IQCK: variants seen among roughly 807,000 people sequenced by gnomAD.
IQCK encodes the protein IQ motif containing K, also known as IQ domain-containing protein K.
In IQCK, 29 loss-of-function variants were observed where a neutral mutation model predicts 28.1. The observed-to-expected ratio is 1.03, with a 90% CI of 0.77 to 1.41. The LOEUF (loss-of-function observed/expected upper bound fraction) is 1.41. Among genes scored for constraint, IQCK ranks in the 40% most tolerant of loss-of-function variants. The pLI is 0.00. For synonymous variants in IQCK, 113 were observed against 115.1 expected, an observed-to-expected ratio of 0.98 and a Z score of 0.12; for missense variants, 359 against 314.7, an observed-to-expected ratio of 1.14 and a Z score of -1.07.
At chr16:19,813,897 A>G (rs2055940445) in intron 7 of IQCK, among the ~76,000 whole-genome samples, 1 of 152,102 alleles carries the variant, frequency 6.6e-6, no homozygotes, top group Non-Finnish European at 1.5e-5. Context: ...ACTCTAAGTA[A>G]TTTATTACAT....
At chr16:19,765,555 T>C (rs2055222027) in intron 6 of IQCK, among the ~76,000 whole-genome samples, 1 of 151,940 alleles carries the variant, frequency 6.6e-6, no homozygotes, top group South Asian at 2.1e-4. Flanking sequence ...AAATTTAGAC[T>C]CTCGGCTCTC....
At chr16:19,856,690 A>T in exon 10 of IQCK, 1 of 651,326 alleles carries the variant, frequency 1.5e-6, no homozygotes. Context: ...ACAAGATAGG[A>T]TTCATTGCAA....
intron 6 of IQCK, among the ~76,000 whole-genome samples, chr16:19,770,730 C>G (rs2055309196): frequency 1.3e-5 from 2 of 152,134 alleles, no homozygotes; most frequent in African/African-American, 4.8e-5. Flanking sequence ...TCAAGTGATT[C>G]TTCTGCCTAA....
intron 9 of IQCK, among the ~76,000 whole-genome samples, chr16:19,833,927 C>T (rs1470480782): frequency 6.6e-6 from 1 of 151,808 alleles, no homozygotes; most frequent in Non-Finnish European, 1.5e-5. Flanking sequence ...CCCGTCTCTA[C>T]AAAAAATAAA....
At chr16:19,775,118 T>A (rs1051375865) in intron 6 of IQCK, among the ~76,000 whole-genome samples, 1 of 150,784 alleles carries the variant, frequency 6.6e-6, no homozygotes, top group Non-Finnish European at 1.5e-5. Flanking sequence ...TCCCAGCTAC[T>A]CAGGAGGCTG....
chr16:19,755,517 G>T (rs898477964), intron 4 of IQCK, among the ~76,000 whole-genome samples: 1 of 152,198 alleles, frequency 6.6e-6, no homozygotes, highest in South Asian at 2.1e-4. Context: ...GGAGGACAGA[G>T]AATCAATTAG....
At position 19,760,672 on chromosome 16, in the gene IQCK, C is replaced by G. The variant is rs1597529631; in HGVS notation, c.475-3176C>G. On this transcript the variant is annotated intron_variant, in intron 4 of 7. Transcript: ENST00000564186. ...CTGGTCTCTCGTTAGCTGGACTGATCTGGAGGGTATGTTATGGGAAAGGGG... is the reference window on the plus strand; with the variant it reads ...CTGGTCTCTCGTTAGCTGGACTGATGTGGAGGGTATGTTATGGGAAAGGGG... 2.6e-5 allele frequency among the ~76,000 whole-genome samples: 4 copies of G among 152,146 alleles called. No homozygotes were observed. In the East Asian group the frequency reaches 7.7e-4, roughly 29 times the overall value.
chr16:19,720,381 C>G (rs1443007930), intron 1 of IQCK, among the ~76,000 whole-genome samples: 1 of 152,222 alleles, frequency 6.6e-6, no homozygotes, highest in African/African-American at 2.4e-5. Flanking sequence ...AGAGCTTTCA[C>G]TTCTCCAAGC....
intron 9 of IQCK, among the ~76,000 whole-genome samples, chr16:19,840,215 G>T (rs751459721): frequency 6.6e-6 from 1 of 152,110 alleles, no homozygotes; most frequent in African/African-American, 2.4e-5. Context: ...AATTAGCTAG[G>T]TGTGGTGGCA....
At chr16:19,732,867 G>C (rs554045542) in intron 2 of IQCK, among the ~76,000 whole-genome samples, 1 of 152,272 alleles carries the variant, frequency 6.6e-6, no homozygotes, top group South Asian at 2.1e-4. Context: ...CTGGAGAGGA[G>C]GGGGAGCTGG....
chr16:19,779,674 A>C (rs1207682312), intron 6 of IQCK, among the ~76,000 whole-genome samples: 3 of 151,388 alleles, frequency 2.0e-5, no homozygotes, highest in South Asian at 2.1e-4. Flanking sequence ...ATTTTTTTAA[A>C]TCACAAGTAT....
intron 9 of IQCK, among the ~76,000 whole-genome samples, chr16:19,852,815 G>T (rs1029396783): frequency 2.6e-5 from 4 of 151,812 alleles, no homozygotes; most frequent in African/African-American, 9.7e-5. Context: ...GTAGAGACGG[G>T]GTTTCACCGT....
At chr16:19,828,986 A>G (rs2056192705), downstream of IQCK, among the ~76,000 whole-genome samples, 1 of 144,242 alleles carries the variant, frequency 6.9e-6, no homozygotes, top group Non-Finnish European at 1.5e-5. Flanking sequence ...AATTATATAT[A>G]TAATTAAATA....
intron 7 of IQCK, among the ~76,000 whole-genome samples, chr16:19,820,465 T>C (rs1004245112): frequency 7.2e-5 from 11 of 152,044 alleles, no homozygotes; most frequent in Non-Finnish European, 5.9e-5. Flanking sequence ...CTGGCTAACA[T>C]GGTGAAACCC....
intron 9 of IQCK, among the ~76,000 whole-genome samples, chr16:19,851,663 C>T (rs376709919): frequency 2.0e-4 from 31 of 152,322 alleles, no homozygotes; most frequent in African/African-American, 7.0e-4. Flanking sequence ...GTATCTCTCT[C>T]TGGGATTTTC....
intron 1 of IQCK, among the ~76,000 whole-genome samples, chr16:19,723,439 A>G (rs367819735): frequency 1.3e-5 from 2 of 152,124 alleles, no homozygotes; most frequent in African/African-American, 4.8e-5. Flanking sequence ...TGTGCCAGGC[A>G]TTGTGCTAGG....
chr16:19,807,084 C>A (rs1057006323), intron 7 of IQCK, among the ~76,000 whole-genome samples: 1 of 152,226 alleles, frequency 6.6e-6, no homozygotes, highest in Non-Finnish European at 1.5e-5. Context: ...CTCACTTGTT[C>A]TCTCCCTCTG....
intron 9 of IQCK, among the ~76,000 whole-genome samples, chr16:19,849,625 G>A (rs2056455579): frequency 6.6e-6 from 1 of 151,818 alleles, no homozygotes; most frequent in Non-Finnish European, 1.5e-5. Flanking sequence ...ATTCGGGCAT[G>A]GTGGTGCACA....
chr16:19,768,156 T>C (rs1010555971), intron 6 of IQCK, among the ~76,000 whole-genome samples: 1 of 152,118 alleles, frequency 6.6e-6, no homozygotes, highest in Non-Finnish European at 1.5e-5. Context: ...CTAAGAGCTT[T>C]GATACATGCC....
Sources: allele counts gnomAD v4.1 joint callset (sites outside exome capture counted in the v4.1 genomes callset), GRCh38; gene constraint gnomAD v4.1.1; transcripts MANE v1.5; gene names NCBI Gene and HGNC (gene_info 2026-07-23, HGNC 2026-07-21).